MCF2L: variants seen among roughly 807,000 people sequenced by gnomAD.
The protein encoded by MCF2L is guanine nucleotide exchange factor DBS.
MCF2L carries 97 observed loss-of-function variants against 153.4 expected under a neutral mutation model. The ratio of observed to expected loss-of-function variants is 0.63; its 90% CI spans 0.54 to 0.75. The LOEUF (loss-of-function observed/expected upper bound fraction) is 0.75. Ranked by LOEUF, MCF2L falls within the 30% of genes least tolerant of loss-of-function variation. The pLI is 0.00. For missense variants in MCF2L, 1,347 were observed against 1,495.2 expected, an observed-to-expected ratio of 0.90 and a Z score of 1.64; for synonymous variants, 659 against 632.2, an observed-to-expected ratio of 1.04 and a Z score of -0.64.
intron 1 of MCF2L, among the ~76,000 whole-genome samples, chr13:113,000,759 G>A (rs2083332434): frequency 1.3e-5 from 2 of 152,228 alleles, no homozygotes; most frequent in South Asian, 4.1e-4. Flanking sequence ...GTGCTGTGCT[G>A]GGCACACGCA....
At chr13:112,896,460 C>T (rs1027313411) in intron 1 of MCF2L, among the ~76,000 whole-genome samples, 10 of 152,210 alleles carry the variant, frequency 6.6e-5, no homozygotes, top group Admixed American at 4.6e-4. Flanking sequence ...AAGAGAGGCC[C>T]CCCCTGTCTT....
chr13:113,045,703 CT>C lies in MCF2L; in HGVS notation c.369+345del. 3.2e-6 allele frequency: 1 copy of C among 310,712 alleles called. No individual in the cohort carries two copies. The highest frequency in any genetic ancestry group is 2.1e-5 in the African/African-American group (1 of 48,056). 19.2% of individuals were successfully genotyped at this position (310,712 alleles called of 1,614,324 possible). ...ATATTTATACATTAGTGATTTTCTC[CT>C]TTCCAAATCGGGCCATCTATCTTTA... On this transcript the variant is annotated intron_variant, in intron 4 of 29. Coordinates refer to ENST00000535094, the MANE Select transcript of MCF2L (RefSeq NM_001112732.3). The surrounding 1 kb of genome is among the most constrained non-coding windows in gnomAD (Gnocchi z 4.2).
intron 3 of MCF2L, chr13:113,043,702 T>C (rs1418493337): frequency 1.3e-5 from 2 of 152,270 alleles, no homozygotes; most frequent in Non-Finnish European, 1.5e-5. Flanking sequence ...AACATGACTT[T>C]ATTTCTTTCT....
chr13:113,023,362 C>T (rs1051272226), intron 2 of MCF2L, among the ~76,000 whole-genome samples: 1 of 152,204 alleles, frequency 6.6e-6, no homozygotes, highest in African/African-American at 2.4e-5. Flanking sequence ...GAGGAGACGC[C>T]CACAGGGAGC....
At chr13:113,004,834 TTC>T (rs2083582341) in intron 1 of MCF2L, among the ~76,000 whole-genome samples, 1 of 152,230 alleles carries the variant, frequency 6.6e-6, no homozygotes, top group Non-Finnish European at 1.5e-5. Flanking sequence ...TGGTGCCCAT[TTC>T]TCTCTGGACC....
chr13:113,094,605 G>C lies in MCF2L; in HGVS notation c.3045G>C (p.Glu1015Asp). ...AEEQINSSDAEEDGGLGPKKL... is the reference protein window; with the variant it reads ...AEEQINSSDADEDGGLGPKKL... ...AGCAGATTAACTCGTCCGACGCAGAGGAGGACGGCGGGTTGGGCCCCAAGA... is the reference window on the plus strand; with the variant it reads ...AGCAGATTAACTCGTCCGACGCAGACGAGGACGGCGGGTTGGGCCCCAAGA... The change falls in exon 27 of 30, where the codon GAG becomes GAC. Residue 1015 changes from glutamate to aspartate, a missense_variant. Glu to Asp is a conservative substitution (Grantham distance 45). Transcript: ENST00000535094. The C allele has an allele frequency of 6.2e-7, 1 of 1,612,092 alleles. No individual in the cohort carries two copies. The highest frequency in any genetic ancestry group is 8.5e-7 in the Non-Finnish European group (1 of 1,179,586).
At position 112,969,228 on chromosome 13, in the gene MCF2L, G is replaced by T. The variant is rs2081960019; in HGVS notation, c.-152G>T. ...CTCCCGGTGGCGCGGAACCAATCCT[G>T]GGCAGGGAGGCGGCGGCTGGAGGCT... On this transcript the variant is annotated 5_prime_UTR_variant, in exon 1 of 30. Transcript: ENST00000535094. The surrounding 1 kb of genome is among the most constrained non-coding windows in gnomAD (Gnocchi z 4.8). 1 of 1,335,188 alleles carries T rather than the reference G, an allele frequency of 7.5e-7. No homozygotes were observed. Among genetic ancestry groups the T allele is most frequent in the Non-Finnish European group, 9.7e-7 (1 of 1,034,912 alleles). 82.7% of individuals were successfully genotyped at this position (1,335,188 alleles called of 1,614,324 possible).
At chr13:113,003,411 C>T (rs767072150) in intron 1 of MCF2L, among the ~76,000 whole-genome samples, 21 of 148,740 alleles carry the variant, frequency 1.4e-4, no homozygotes, top group Non-Finnish European at 1.9e-4. Flanking sequence ...TGTGGAGCAC[C>T]GTGGAAGGCT....
Position 113,096,781 on chromosome 13 carries a change from C to T in MCF2L, c.3300C>T (p.Ser1100=). ...CGCCTGATCTCCCCGCAGAGTCGAG[C>T]CCGGGGTCGGCCGTGCTGAGCAACT... The part of the protein sequence containing the change: ...SAQCLSSSES[S]PGSAVLSNSS... The change falls in exon 30 of 30, where the codon AGC becomes AGT. Residue 1100 remains serine, a synonymous_variant. Transcript: ENST00000535094. The T allele has an allele frequency of 6.4e-7, 1 of 1,567,592 alleles. No individual in the cohort carries two copies. The highest frequency in any genetic ancestry group is 2.4e-5 in the East Asian group (1 of 41,816).
At chr13:112,927,853 C>A (rs1003336986) in intron 2 of MCF2L, among the ~76,000 whole-genome samples, 5 of 152,052 alleles carry the variant, frequency 3.3e-5, no homozygotes, top group Admixed American at 6.5e-5. Context: ...ACAACAACAA[C>A]AAAAATACAA....
intron 1 of MCF2L, among the ~76,000 whole-genome samples, chr13:112,974,613 G>T (rs937106497): frequency 1.3e-5 from 2 of 152,182 alleles, no homozygotes; most frequent in South Asian, 4.1e-4. Flanking sequence ...AGACCTTCAG[G>T]GACTAGTAAA....
At position 113,031,710 on chromosome 13, in the gene MCF2L, CGCTT is replaced by C. The variant is rs2085734742; in HGVS notation, c.278+6953_278+6956del. Among the ~76,000 whole-genome samples, 1 of 151,988 alleles carries C rather than the reference CGCTT, an allele frequency of 6.6e-6. No homozygotes were observed. The highest frequency in any genetic ancestry group is 1.5e-5 in the Non-Finnish European group (1 of 67,994). Reference sequence around the variant, plus strand: ...AGGAATTCACTGAAGCTGATGATGACGCTTACTTTCCATGGGCCTGGCTCAAAGC... The same window carrying C: ...AGGAATTCACTGAAGCTGATGATGACACTTTCCATGGGCCTGGCTCAAAGC... On this transcript the variant is annotated intron_variant, in intron 3 of 29. Coordinates refer to ENST00000535094, the MANE Select transcript of MCF2L (RefSeq NM_001112732.3). This position sits in a 1 kb window ranked among gnomAD's most constrained non-coding sequence, Gnocchi z 5.5.
chr13:113,057,840 GTGTT>G (rs551642368), intron 4 of MCF2L, among the ~76,000 whole-genome samples: 347 of 149,390 alleles, frequency 2.3e-3, no homozygotes, highest in East Asian at 3.9e-3. Flanking sequence ...TGGGCGCTGA[GTGTT>G]TGGGCGCTGT....
chr13:112,939,544 G>T (rs897974417), intron 2 of MCF2L, among the ~76,000 whole-genome samples: 1 of 152,214 alleles, frequency 6.6e-6, no homozygotes, highest in African/African-American at 2.4e-5. Flanking sequence ...TGTATTGCTG[G>T]ATGTGTGGAC....
intron 13 of MCF2L, 101 bp from the exon 14 acceptor site, chr13:113,078,262 C>T (rs900682863): frequency 2.0e-5 from 19 of 955,478 alleles, no homozygotes; most frequent in South Asian, 1.3e-4. Flanking sequence ...CCTCAGAGGC[C>T]GAGTCCTACC....
At chr13:113,000,982 G>T (rs1190342777) in intron 1 of MCF2L, among the ~76,000 whole-genome samples, 3 of 152,314 alleles carry the variant, frequency 2.0e-5, no homozygotes, top group Middle Eastern at 3.4e-3. Flanking sequence ...GATGTGCGTT[G>T]GTCCCCTTAG....
intron 2 of MCF2L, among the ~76,000 whole-genome samples, chr13:112,928,426 G>A (rs140670453): frequency 1.3e-5 from 2 of 152,262 alleles, no homozygotes; most frequent in African/African-American, 4.8e-5. Context: ...AATGTGCCTC[G>A]TTATAATCCT....
chr13:112,969,300 G>C lies in MCF2L; in HGVS notation c.-80G>C. On this transcript the variant is annotated 5_prime_UTR_variant, in exon 1 of 30. Coordinates refer to ENST00000535094, the MANE Select transcript of MCF2L (RefSeq NM_001112732.3). This position sits in a 1 kb window ranked among gnomAD's most constrained non-coding sequence, Gnocchi z 4.8. ...TCCCCGCCTCCGCCGCGCCCCCTCC[G>C]CACTCGCACGGCCCCACCCGCAGGC... The C allele has an allele frequency of 6.6e-7, 1 of 1,526,376 alleles. No homozygotes were observed. The highest frequency in any genetic ancestry group is 8.8e-7 in the Non-Finnish European group (1 of 1,131,470). 94.6% of individuals were successfully genotyped at this position (1,526,376 alleles called of 1,614,324 possible). A position where few individuals can be genotyped will look rare whatever the true frequency, so the allele number is the denominator to read the frequency against.
rs1000692473 is a variant in MCF2L, at chr13:112,993,344, G to C, written c.80-21419G>C. Among the ~76,000 whole-genome samples, 2 of 152,234 alleles carry C rather than the reference G, an allele frequency of 1.3e-5. No individual in the cohort carries two copies. The highest frequency in any genetic ancestry group is 2.9e-5 in the Non-Finnish European group (2 of 68,042). On this transcript the variant is annotated intron_variant, in intron 1 of 29. Coordinates refer to ENST00000535094, the MANE Select transcript of MCF2L (RefSeq NM_001112732.3). This position sits in a 1 kb window ranked among gnomAD's most constrained non-coding sequence, Gnocchi z 4.6. ...AGTAGGGGCCGACCTGAGGGCTCTG[G>C]GGTCAACACCGGTCCAGGAATTTGA...
Sources: gnomAD v4.1 joint callset for allele counts (sites outside exome capture counted in the v4.1 genomes callset) on GRCh38, gnomAD v4.1.1 for gene constraint, Gnocchi (gnomAD v3.1) non-coding constraint, MANE v1.5 for transcripts, NCBI Gene and HGNC (gene_info 2026-07-23, HGNC 2026-07-21) for gene names.